SPAG6: variants seen among roughly 807,000 people sequenced by gnomAD.
SPAG6 encodes the protein sperm-associated antigen 6.
In SPAG6, 49 loss-of-function variants were observed where a neutral mutation model predicts 58.5. The ratio of observed to expected loss-of-function variants is 0.84; its 90% CI spans 0.67 to 1.06. The LOEUF (loss-of-function observed/expected upper bound fraction) is 1.06. Ranked by LOEUF, SPAG6 falls within the 50% of genes least tolerant of loss-of-function variation. SPAG6 has a pLI of 0.00. For missense variants in SPAG6, 560 were observed against 611.3 expected, an observed-to-expected ratio of 0.92 and a Z score of 0.89; for synonymous variants, 233 against 225.6, an observed-to-expected ratio of 1.03 and a Z score of -0.29.
At chr10:22,346,434 T>TTCTTCC (rs1836534908) in intron 2 of SPAG6, among the ~76,000 whole-genome samples, 1 of 94,486 alleles carries the variant, frequency 1.1e-5, no homozygotes, top group South Asian at 3.7e-4. Flanking sequence ...AAAATGGTTC[T>TTCTTCC]TCTTCTTCTT....
chr10:22,366,980 T>C (rs915341383), intron 3 of SPAG6, among the ~76,000 whole-genome samples: 1 of 151,218 alleles, frequency 6.6e-6, no homozygotes, highest in Non-Finnish European at 1.5e-5. Context: ...CTCCTCTTTA[T>C]GAGGTACAAA....
chr10:22,414,477 A>G (rs1834822833), intron 10 of SPAG6, among the ~76,000 whole-genome samples: 1 of 152,288 alleles, frequency 6.6e-6, no homozygotes, highest in African/African-American at 2.4e-5. Context: ...ATTACCTTGA[A>G]GGTAATAGTT....
intron 4 of SPAG6, among the ~76,000 whole-genome samples, chr10:22,372,367 T>C (rs898432056): frequency 2.0e-5 from 3 of 152,210 alleles, no homozygotes; most frequent in African/African-American, 7.2e-5. Flanking sequence ...CAAGGAATAG[T>C]CTTGCTTTTG....
At chr10:22,410,440 C>G (rs1834701672) in intron 9 of SPAG6, among the ~76,000 whole-genome samples, 2 of 152,104 alleles carry the variant, frequency 1.3e-5, no homozygotes, top group Non-Finnish European at 2.9e-5. Flanking sequence ...CTCAACTCAT[C>G]CTGGGATAAG....
chr10:22,355,488 T>G (rs1415561245), intron 2 of SPAG6, among the ~76,000 whole-genome samples: 1 of 152,210 alleles, frequency 6.6e-6, no homozygotes, highest in African/African-American at 2.4e-5. Flanking sequence ...GAAGATACTA[T>G]AGCTAATGAG....
intron 7 of SPAG6, 95 bp from the exon 8 acceptor site, chr10:22,391,634 G>A: frequency 8.9e-7 from 1 of 1,117,552 alleles, no homozygotes; most frequent in Non-Finnish European, 1.3e-6. Flanking sequence ...AAAGGATCAA[G>A]GCCGAAGTGA....
intron 8 of SPAG6, among the ~76,000 whole-genome samples, chr10:22,395,738 A>G (rs1834277658): frequency 6.6e-6 from 1 of 152,198 alleles, no homozygotes. Context: ...ATGAAATTCA[A>G]TTGCATATGC....
rs1834073718 is a variant in SPAG6 at position 22,386,789 on chromosome 10, CCT to C, written c.511_512del (p.Leu171PhefsTer22). 1 of 1,613,454 alleles carries C rather than the reference CCT, an allele frequency of 6.2e-7. No homozygotes were observed. The highest frequency in any genetic ancestry group is 8.5e-7 in the Non-Finnish European group (1 of 1,179,530). The stretch of plus-strand genomic sequence containing the variant: ...AGCTGTGGTGGATGCAGGAGCTGTT[CCT>C]CTTTTAGTACTCTGTATCCAGGAGC... Reference protein sequence around the residue: ...SQAVVDAGAVPLLVLCIQEPE... With the variant: ...SQAVVDAGAVXLLVLCIQEPE... On this transcript the variant is annotated frameshift_variant, in exon 5 of 11. Coordinates refer to ENST00000376624, the MANE Select transcript of SPAG6 (RefSeq NM_012443.4). LOFTEE classifies it high-confidence loss of function.
At chr10:22,354,913 G>T (rs1836825323) in intron 2 of SPAG6, among the ~76,000 whole-genome samples, 1 of 151,868 alleles carries the variant, frequency 6.6e-6, no homozygotes, top group African/African-American at 2.4e-5. Flanking sequence ...GGAGGCTGAG[G>T]CATCCGGGAA....
chr10:22,389,374 T>G (rs760042943), intron 7 of SPAG6, 62 bp downstream of exon 7: 4 of 1,521,920 alleles, frequency 2.6e-6, no homozygotes, highest in South Asian at 1.2e-5. Flanking sequence ...AACCACAGAT[T>G]AATGTTCTCC....
intron 3 of SPAG6, among the ~76,000 whole-genome samples, chr10:22,366,039 C>A (rs939974327): frequency 6.6e-6 from 1 of 152,162 alleles, no homozygotes; most frequent in African/African-American, 2.4e-5. Flanking sequence ...TTTGTTACCA[C>A]GTGACTCAGC....
intron 8 of SPAG6, among the ~76,000 whole-genome samples, chr10:22,394,474 A>T (rs1834247922): frequency 6.6e-6 from 1 of 152,196 alleles, no homozygotes; most frequent in Non-Finnish European, 1.5e-5. Context: ...GCTATAGTTC[A>T]CATGCCATAC....
At chr10:22,410,851 A>T (rs539533504) in intron 9 of SPAG6, among the ~76,000 whole-genome samples, 180 bp from the exon 10 acceptor site, 1 of 152,340 alleles carries the variant, frequency 6.6e-6, no homozygotes, top group South Asian at 2.1e-4. Flanking sequence ...CAACCTAAAA[A>T]TTAACACATT....
intron 8 of SPAG6, among the ~76,000 whole-genome samples, chr10:22,396,030 G>T (rs973397108): frequency 6.6e-6 from 1 of 152,186 alleles, no homozygotes; most frequent in African/African-American, 2.4e-5. Flanking sequence ...AGCATGGCTG[G>T]GAAGCCTCAT....
At chr10:22,416,234 A>G (rs567778799) in intron 10 of SPAG6, among the ~76,000 whole-genome samples, 1 of 152,052 alleles carries the variant, frequency 6.6e-6, no homozygotes, top group Non-Finnish European at 1.5e-5. Flanking sequence ...GTAACAATAG[A>G]CTGTGTAGTC....
At chr10:22,386,550 G>A (rs1164918154) in intron 4 of SPAG6, among the ~76,000 whole-genome samples, 1 of 151,974 alleles carries the variant, frequency 6.6e-6, no homozygotes, top group Non-Finnish European at 1.5e-5. Context: ...TGTAAATGGA[G>A]GTCCATCTAT....
intron 10 of SPAG6, chr10:22,411,794 C>G (rs1834741742): frequency 6.8e-6 from 1 of 147,682 alleles, no homozygotes; most frequent in African/African-American, 2.5e-5. Flanking sequence ...CCACTAAACT[C>G]TAAATAAATA....
At chr10:22,355,055 AC>A (rs1836830004) in intron 2 of SPAG6, among the ~76,000 whole-genome samples, 1 of 152,148 alleles carries the variant, frequency 6.6e-6, no homozygotes, top group Admixed American at 6.6e-5. Flanking sequence ...TTGGTTTCAT[AC>A]AGTAACAATG....
intron 4 of SPAG6, among the ~76,000 whole-genome samples, chr10:22,375,131 T>A (rs1478935783): frequency 6.6e-6 from 1 of 152,252 alleles, no homozygotes; most frequent in East Asian, 1.9e-4. Context: ...CAATGCACCA[T>A]GACATGTTTC....
Sources: allele counts gnomAD v4.1 joint callset (sites outside exome capture counted in the v4.1 genomes callset), GRCh38; gene constraint gnomAD v4.1.1; transcripts MANE v1.5; gene names NCBI Gene and HGNC (gene_info 2026-07-23, HGNC 2026-07-21).